FSTL5: variants seen among roughly 807,000 people sequenced by gnomAD.
The protein encoded by FSTL5 is follistatin-related protein 5.
A neutral mutation model predicts 89.1 loss-of-function variants in FSTL5; 62 were observed. That is an observed-to-expected ratio of 0.70 (90% CI 0.57 to 0.86). The LOEUF is 0.86. FSTL5 is among the 40% of genes least tolerant of loss of function. The pLI, the probability that FSTL5 is intolerant of heterozygous loss-of-function variation, is 0.00. For missense variants in FSTL5, 1,057 were observed against 1,001.6 expected (o/e 1.06, Z -0.75); for synonymous variants, 383 against 346.2 (o/e 1.11, Z -1.18).
chr4:161,475,337 G>C (rs1033478156), intron 13 of FSTL5, among the ~76,000 whole-genome samples: 1 of 151,942 alleles, frequency 6.6e-6, no homozygotes. Context: ...CAAATATTCT[G>C]TTGGCCATTT....
At chr4:162,096,297 C>T (rs766998219) in intron 2 of FSTL5, among the ~76,000 whole-genome samples, 2 of 151,828 alleles carry the variant, frequency 1.3e-5, no homozygotes, top group Non-Finnish European at 2.9e-5. Context: ...TAGGTTGTTG[C>T]AGCAGAATCC....
chr4:162,012,108 C>T (rs1466122953), intron 3 of FSTL5, among the ~76,000 whole-genome samples: 3 of 152,150 alleles, frequency 2.0e-5, no homozygotes, highest in African/African-American at 7.2e-5. Context: ...TGATGCACTA[C>T]GTTCCAACGG....
At position 161,530,177 on chromosome 4, in the gene FSTL5, C is replaced by T. The variant is rs908496078; in HGVS notation, c.1312+7989G>A. The stretch of plus-strand genomic sequence containing the variant: ...AAAGTTTATGATAGTCATATTCATA[C>T]GATCTTTATAGGTAAAAAGACCATG... On this transcript the variant is annotated intron_variant, in intron 10 of 15. Coordinates refer to ENST00000306100, the MANE Select transcript of FSTL5 (RefSeq NM_020116.5). Among the ~76,000 whole-genome samples the T allele has an allele frequency of 1.4e-4, 20 of 142,292 alleles. 3 individuals carry two copies. Among genetic ancestry groups the T allele is most frequent in the African/African-American group, 3.8e-4 (15 of 39,986 alleles). 93.3% of individuals were successfully genotyped at this position (142,292 alleles called of 152,430 possible). A position where few individuals can be genotyped will look rare whatever the true frequency, so the allele number is the denominator to read the frequency against.
At chr4:162,011,386 C>T (rs1463923678) in intron 3 of FSTL5, among the ~76,000 whole-genome samples, 1 of 152,126 alleles carries the variant, frequency 6.6e-6, no homozygotes, top group East Asian at 1.9e-4. Flanking sequence ...AACATATGGG[C>T]TAACAGTAAC....
intron 13 of FSTL5, among the ~76,000 whole-genome samples, chr4:161,460,763 C>T (rs779244736): frequency 5.9e-4 from 89 of 151,946 alleles, no homozygotes; most frequent in Non-Finnish European, 1.1e-3. Flanking sequence ...GTCTTTACCC[C>T]TTTTTTCCTC....
intron 11 of FSTL5, among the ~76,000 whole-genome samples, chr4:161,503,148 T>C (rs1347318337): frequency 6.6e-6 from 1 of 151,754 alleles, no homozygotes; most frequent in Non-Finnish European, 1.5e-5. Context: ...ATAATAATTA[T>C]ACTATGTCAT....
chr4:161,484,352 C>T (rs1729609922), intron 12 of FSTL5, among the ~76,000 whole-genome samples: 1 of 151,950 alleles, frequency 6.6e-6, no homozygotes, highest in Admixed American at 6.6e-5. Flanking sequence ...GTCAGGACTA[C>T]CTCCTCTCAT....
intron 12 of FSTL5, 57 bp from the exon 13 acceptor site, chr4:161,481,226 A>G: frequency 7.5e-7 from 1 of 1,328,340 alleles, no homozygotes; most frequent in Non-Finnish European, 1.0e-6. Context: ...CACATGCCTG[A>G]CAATATCATG....
intron 4 of FSTL5, among the ~76,000 whole-genome samples, chr4:161,851,016 AG>A (rs1731532012): frequency 6.6e-6 from 1 of 152,212 alleles, no homozygotes; most frequent in South Asian, 2.1e-4. Context: ...AAGTAGACAA[AG>A]ATGACTGTAA....
Position 161,824,248 on chromosome 4 carries a change from G to T in FSTL5, c.410-48174C>A, listed in dbSNP as rs748832213. Among the ~76,000 whole-genome samples the T allele has an allele frequency of 2.0e-5, 3 of 152,130 alleles. No homozygotes were observed. In the South Asian group the frequency reaches 6.2e-4, roughly 32 times the overall value. On this transcript the variant is annotated intron_variant, in intron 4 of 15. Coordinates refer to ENST00000306100, the MANE Select transcript of FSTL5 (RefSeq NM_020116.5). ...TACATGTAGCTTGCCAATTATCCCA[G>T]CACCGTTTGTTGAATAGGGTTTCCT...
chr4:161,448,614 T>C (rs1408956305), intron 15 of FSTL5, among the ~76,000 whole-genome samples: 3 of 152,088 alleles, frequency 2.0e-5, no homozygotes, highest in African/African-American at 4.8e-5. Context: ...CCAAAATGAG[T>C]GCTATAGACC....
At chr4:162,107,509 C>A (rs1731270101) in intron 2 of FSTL5, among the ~76,000 whole-genome samples, 1 of 152,090 alleles carries the variant, frequency 6.6e-6, no homozygotes, top group Non-Finnish European at 1.5e-5. Flanking sequence ...TCAATAGTCA[C>A]TACACTGTGC....
intron 11 of FSTL5, among the ~76,000 whole-genome samples, chr4:161,509,802 C>T (rs1244929698): frequency 6.6e-6 from 1 of 152,064 alleles, no homozygotes; most frequent in Non-Finnish European, 1.5e-5. Context: ...GCCTTTGTGA[C>T]TAAATGAGGA....
intron 6 of FSTL5, among the ~76,000 whole-genome samples, chr4:161,696,404 A>G (rs1458162230): frequency 6.6e-6 from 1 of 151,744 alleles, no homozygotes; most frequent in Non-Finnish European, 1.5e-5. Context: ...GTGTCTCCAT[A>G]TTTGTTCTTT....
At chr4:161,432,971 A>G (rs1397890129) in intron 15 of FSTL5, among the ~76,000 whole-genome samples, 1 of 152,034 alleles carries the variant, frequency 6.6e-6, no homozygotes, top group Non-Finnish European at 1.5e-5. Context: ...CCAGGACCCA[A>G]TGGCTTCAGT....
rs1396257473 is a variant in FSTL5, at chr4:162,147,062, G to A, written c.-17+16553C>T. Among the ~76,000 whole-genome samples, 3 of 152,054 alleles carry A rather than the reference G, an allele frequency of 2.0e-5. 1 individual carries two copies. In the South Asian group the frequency reaches 6.2e-4, roughly 32 times the overall value. On this transcript the variant is annotated intron_variant, in intron 1 of 15. Coordinates refer to ENST00000306100, the MANE Select transcript of FSTL5 (RefSeq NM_020116.5). Reference sequence around the variant, plus strand: ...CTCCCAAAGCACTGAGATTACAAGTGTGAGCCATCGCACCTGGTCCTAACA... The same window carrying A: ...CTCCCAAAGCACTGAGATTACAAGTATGAGCCATCGCACCTGGTCCTAACA...
rs747773566 is a variant in FSTL5 at position 161,529,496 on chromosome 4, G to T, written c.1312+8670C>A. Among the ~76,000 whole-genome samples the T allele has an allele frequency of 1.7e-4, 24 of 141,972 alleles. 4 individuals are homozygous for T. Among genetic ancestry groups the T allele is most frequent in the Non-Finnish European group, 3.1e-4 (20 of 64,902 alleles). The allele number at this position is 141,972 out of a possible 152,430, so 93.1% of individuals were successfully genotyped here. A position where few individuals can be genotyped will look rare whatever the true frequency, so the allele number is the denominator to read the frequency against. On this transcript the variant is annotated intron_variant, in intron 10 of 15. Coordinates refer to ENST00000306100, the MANE Select transcript of FSTL5 (RefSeq NM_020116.5). ...ACTTCGACATGACTCTTCATCTTAAGACATTTTATTTCATAATAACCTTAT... is the reference window on the plus strand; with the variant it reads ...ACTTCGACATGACTCTTCATCTTAATACATTTTATTTCATAATAACCTTAT...
rs572445604 is a variant in FSTL5 at position 161,664,814 on chromosome 4, A to G, written c.728-8320T>C. 303 of 160,334 alleles carry G rather than the reference A, an allele frequency of 1.9e-3. 1 individual carries two copies. Among genetic ancestry groups the G allele is most frequent in the South Asian group, 0.01 (54 of 5,366 alleles). 9.9% of individuals were successfully genotyped at this position (160,334 alleles called of 1,614,324 possible). A position where few individuals can be genotyped will look rare whatever the true frequency, so the allele number is the denominator to read the frequency against. On this transcript the variant is annotated intron_variant, in intron 6 of 15. Coordinates refer to ENST00000306100, the MANE Select transcript of FSTL5 (RefSeq NM_020116.5). ...AATAAAAAGAAGTTTAACTGGACTT[A>G]CAATTCCACATGTCTGGGGAGGCCT...
At chr4:161,420,350 C>T (rs1019699183) in intron 15 of FSTL5, among the ~76,000 whole-genome samples, 4 of 152,162 alleles carry the variant, frequency 2.6e-5, no homozygotes, top group Admixed American at 2.0e-4. Flanking sequence ...TAAGTATCTC[C>T]TCCTTAGTTT....
Sources: gnomAD v4.1 joint callset for allele counts (sites outside exome capture counted in the v4.1 genomes callset) on GRCh38, gnomAD v4.1.1 for gene constraint, MANE v1.5 for transcripts, NCBI Gene and HGNC (gene_info 2026-07-23, HGNC 2026-07-21) for gene names.